Variants in PTPRD observed in about 807,000 individuals in gnomAD.
PTPRD encodes the protein protein tyrosine phosphatase receptor type D, also known as receptor-type tyrosine-protein phosphatase delta.
A neutral mutation model predicts 214.5 loss-of-function variants in PTPRD; 34 were observed. That is an observed-to-expected ratio of 0.16 (90% confidence interval 0.12 to 0.21). The LOEUF (loss-of-function observed/expected upper bound fraction) is 0.21, where lower values mean the gene tolerates loss of function less well. Among genes scored for constraint, PTPRD ranks in the 10% least tolerant of loss-of-function variants. The pLI, the probability that PTPRD is intolerant of heterozygous loss-of-function variation, is 1.00. For missense variants in PTPRD, 2,545 were observed against 2,398.7 expected (o/e 1.06, Z -1.27); for synonymous variants, 1,128 against 845.7 (o/e 1.33, Z -5.79).
At chr9:8,326,186 G>T (rs1325685682) in intron 44 of PTPRD, among the ~76,000 whole-genome samples, 1 of 152,108 alleles carries the variant, frequency 6.6e-6, no homozygotes, top group East Asian at 1.9e-4. Flanking sequence ...TGCCCATTCT[G>T]TAGGATAGTG....
intron 4 of PTPRD, among the ~76,000 whole-genome samples, chr9:9,989,678 C>T (rs574688133): frequency 1.1e-4 from 17 of 152,178 alleles, no homozygotes; most frequent in Non-Finnish European, 2.1e-4. Flanking sequence ...AAGAGGCTGT[C>T]GCATTGACTC....
At chr9:9,882,246 T>C (rs1207854162) in intron 5 of PTPRD, among the ~76,000 whole-genome samples, 3 of 152,132 alleles carry the variant, frequency 2.0e-5, no homozygotes, top group South Asian at 2.1e-4. Flanking sequence ...ATTTTTTTGA[T>C]TGTAAGCAGA....
chr9:8,908,963 AATT>A (rs890171625), intron 11 of PTPRD, among the ~76,000 whole-genome samples: 1 of 149,898 alleles, frequency 6.7e-6, no homozygotes, highest in South Asian at 2.1e-4. Flanking sequence ...TATATATAAT[AATT>A]ATGTATAATT....
chr9:8,774,595 C>T (rs1026885299), intron 11 of PTPRD, among the ~76,000 whole-genome samples: 3 of 129,118 alleles, frequency 2.3e-5, no homozygotes, highest in South Asian at 2.4e-4. Flanking sequence ...AGTGCAATGG[C>T]GCAATCTCGG....
chr9:9,352,533 G>C (rs991239830), intron 9 of PTPRD, among the ~76,000 whole-genome samples: 5 of 151,680 alleles, frequency 3.3e-5, no homozygotes, highest in Admixed American at 2.0e-4. Context: ...TCTGGAGTTA[G>C]TCCAGAGACA....
chr9:10,116,647 G>T (rs577410507), intron 3 of PTPRD, among the ~76,000 whole-genome samples: 1 of 152,058 alleles, frequency 6.6e-6, no homozygotes, highest in African/African-American at 2.4e-5. Flanking sequence ...AGTCCAGACT[G>T]CTAAAGGAAT....
chr9:10,351,910 C>A (rs1007835140), intron 2 of PTPRD, among the ~76,000 whole-genome samples: 9 of 151,864 alleles, frequency 5.9e-5, no homozygotes, highest in African/African-American at 2.2e-4. Flanking sequence ...GTTAGCAAAC[C>A]TCCTTAGGAA....
chr9:8,410,043 T>G (rs186421408), intron 35 of PTPRD, among the ~76,000 whole-genome samples: 76 of 152,348 alleles, frequency 5.0e-4, no homozygotes, highest in African/African-American at 1.8e-3. Flanking sequence ...AAGAGCAATC[T>G]ACCATTCACT....
intron 3 of PTPRD, among the ~76,000 whole-genome samples, chr9:10,314,281 G>T (rs902478666): frequency 1.3e-5 from 2 of 151,822 alleles, no homozygotes; most frequent in South Asian, 4.2e-4. Context: ...CTCCAACCAG[G>T]ACAAGGTTGG....
At chr9:9,387,833 G>A (rs2064395325) in intron 9 of PTPRD, among the ~76,000 whole-genome samples, 2 of 152,126 alleles carry the variant, frequency 1.3e-5, no homozygotes, top group African/African-American at 4.8e-5. Flanking sequence ...AATGTCTGTG[G>A]TAAAAATGAA....
At chr9:9,688,097 C>T (rs1460589635) in intron 7 of PTPRD, among the ~76,000 whole-genome samples, 1 of 151,810 alleles carries the variant, frequency 6.6e-6, no homozygotes, top group Non-Finnish European at 1.5e-5. Context: ...TCAACTTCTG[C>T]CACGACTGTA....
intron 14 of PTPRD, among the ~76,000 whole-genome samples, chr9:8,589,851 A>T (rs2093962352): frequency 6.6e-6 from 1 of 152,192 alleles, no homozygotes. Flanking sequence ...AATACTGCTG[A>T]AGTCTCACAG....
intron 5 of PTPRD, among the ~76,000 whole-genome samples, chr9:9,818,559 T>C (rs552359302): frequency 2.0e-5 from 3 of 152,160 alleles, no homozygotes; most frequent in Admixed American, 2.0e-4. Context: ...AGGCAGACGA[T>C]TTAGGAAAAC....
chr9:9,898,112 C>A (rs2075487229), intron 5 of PTPRD, among the ~76,000 whole-genome samples: 1 of 152,010 alleles, frequency 6.6e-6, no homozygotes, highest in Non-Finnish European at 1.5e-5. Context: ...CCTGTTTTCT[C>A]CTGTTTTTAA....
intron 2 of PTPRD, among the ~76,000 whole-genome samples, chr9:10,400,807 G>C (rs1405951037): frequency 6.6e-6 from 1 of 151,338 alleles, no homozygotes; most frequent in East Asian, 1.9e-4. Flanking sequence ...CATAACCAAT[G>C]ATCTGATAGT....
intron 8 of PTPRD, among the ~76,000 whole-genome samples, chr9:9,403,960 A>G (rs988247005): frequency 8.5e-5 from 13 of 152,140 alleles, no homozygotes; most frequent in Non-Finnish European, 1.6e-4. Flanking sequence ...AGGCCTGAGC[A>G]ACACAGAACA....
intron 2 of PTPRD, among the ~76,000 whole-genome samples, chr9:10,357,293 CA>C (rs2097297273): frequency 6.6e-6 from 1 of 152,174 alleles, no homozygotes; most frequent in African/African-American, 2.4e-5. Context: ...TTAACCATCA[CA>C]AAACTACATT....
At chr9:8,711,709 G>C (rs1323419120) in intron 12 of PTPRD, among the ~76,000 whole-genome samples, 1 of 152,114 alleles carries the variant, frequency 6.6e-6, no homozygotes, top group Non-Finnish European at 1.5e-5. Flanking sequence ...CCAGGTATCT[G>C]TTGGTTTTGC....
At chr9:10,428,968 T>TG (rs1305337352) in intron 2 of PTPRD, among the ~76,000 whole-genome samples, 1 of 151,996 alleles carries the variant, frequency 6.6e-6, no homozygotes, top group Non-Finnish European at 1.5e-5. Flanking sequence ...TAATAGTACC[T>TG]GTCGCATAGG....
Sources: allele counts gnomAD v4.1 joint callset (sites outside exome capture counted in the v4.1 genomes callset), GRCh38; gene constraint gnomAD v4.1.1; transcripts MANE v1.5; gene names NCBI Gene and HGNC (gene_info 2026-07-23, HGNC 2026-07-21).